AGO2: variants seen among roughly 807,000 people sequenced by gnomAD.
The protein encoded by AGO2 is protein argonaute-2.
In AGO2, 5 loss-of-function variants were observed where a neutral mutation model predicts 102.3. That is an observed-to-expected ratio of 0.05 (90% CI 0.03 to 0.10). The LOEUF (loss-of-function observed/expected upper bound fraction) is 0.10, where lower values mean the gene tolerates loss of function less well. AGO2 is among the 10% of genes least tolerant of loss of function. The pLI, the probability that AGO2 is intolerant of heterozygous loss-of-function variation, is 1.00. For synonymous variants in AGO2, 449 were observed against 473.1 expected (o/e 0.95, Z 0.66); for missense variants, 541 against 1,183.7 (o/e 0.46, Z 7.97).
At position 140,551,327 on chromosome 8, in the gene AGO2, C is replaced by T; in HGVS notation, c.1379G>A (p.Arg460His). ...VWAIACFAPQ[R>H]QCTEVHLKSF... ...CTTCAGATGGACTTCCGTGCACTGG[C>T]GCTGGGGGGCGAAGCACGCAATGGC... is the stretch of plus-strand genomic sequence containing the variant. The change falls in exon 11 of 19, where the codon CGC becomes CAC. Residue 460 changes from arginine to histidine, a missense_variant. Physicochemically the swap from Arg to His is conservative, Grantham distance 29. Coordinates refer to ENST00000220592, the MANE Select transcript of AGO2 (RefSeq NM_012154.5). 6.3e-7 allele frequency: 1 copy of T among 1,576,204 alleles called. No homozygotes were observed. Among genetic ancestry groups the T allele is most frequent in the Non-Finnish European group, 8.6e-7 (1 of 1,156,660 alleles).
intron 16 of AGO2, among the ~76,000 whole-genome samples, chr8:140,537,691 C>A (rs1480446167): frequency 6.6e-6 from 1 of 152,050 alleles, no homozygotes; most frequent in East Asian, 1.9e-4. Context: ...GCGTGTTCAT[C>A]AATTTCTCCT....
In AGO2 at chr8:140,540,926, G is replaced by A. The variant is rs1445487936; in HGVS notation, c.2034+238C>T. ...TCTCTCCCCCATCTCTTGGTCCCCA[G>A]GCCCATACCCGCCCCTCCTCCCCTC... On this transcript the variant is annotated intron_variant, in intron 15 of 18. Coordinates refer to ENST00000220592, the MANE Select transcript of AGO2 (RefSeq NM_012154.5). The surrounding 1 kb of genome is among the most constrained non-coding windows in gnomAD (Gnocchi z 5.0). Among the ~76,000 whole-genome samples, 1 of 152,016 alleles carries A rather than the reference G, an allele frequency of 6.6e-6. No homozygotes were observed. Among genetic ancestry groups the A allele is most frequent in the Non-Finnish European group, 1.5e-5 (1 of 68,006 alleles).
rs147790222 is a variant in AGO2, at chr8:140,547,548, C to T, written c.1668G>A (p.Thr556=). ...GGCAGAGGTTGGACAGGGTCTGTGGCGTGGTCCTCTGCACGTTCTTCATCT... is the reference window on the plus strand; with the variant it reads ...GGCAGAGGTTGGACAGGGTCTGTGGTGTGGTCCTCTGCACGTTCTTCATCT... ...CVQMKNVQRT[T]PQTLSNLCLK... The change falls in exon 13 of 19, where the codon ACG becomes ACA. Residue 556 remains threonine (T), a synonymous_variant. Transcript: ENST00000220592. The T allele has an allele frequency of 7.7e-5, 124 of 1,614,090 alleles. No homozygotes were observed. Among genetic ancestry groups the T allele is most frequent in the Non-Finnish European group, 1.0e-4 (119 of 1,180,028 alleles).
chr8:140,557,313 CT>C lies in AGO2; in HGVS notation c.879-78del. On this transcript the variant is annotated intron_variant, in intron 7 of 18. Transcript: ENST00000220592. This position sits in a 1 kb window ranked among gnomAD's most constrained non-coding sequence, Gnocchi z 5.9. ...CTGCGCTGCTTTTCATTTGCGTTTG[CT>C]TTTTAGGGTGACGTGTGAGGAGCAA... 6.6e-7 allele frequency: 1 copy of C among 1,510,672 alleles called. No homozygotes were observed. Among genetic ancestry groups the C allele is most frequent in the Non-Finnish European group, 8.9e-7 (1 of 1,127,452 alleles). The allele number at this position is 1,510,672 out of a possible 1,614,324, so 93.6% of individuals were successfully genotyped here. A position where few individuals can be genotyped will look rare whatever the true frequency, so the allele number is the denominator to read the frequency against.
chr8:140,580,807 G>A (rs944133407), intron 2 of AGO2, among the ~76,000 whole-genome samples: 1 of 152,220 alleles, frequency 6.6e-6, no homozygotes, highest in South Asian at 2.1e-4. Context: ...GGGCCTAAAG[G>A]TTCCTCCGTC....
intron 10 of AGO2, among the ~76,000 whole-genome samples, chr8:140,554,914 G>A (rs1364378429): frequency 9.9e-5 from 15 of 152,130 alleles, no homozygotes; most frequent in Admixed American, 6.5e-5. Context: ...GACCTCAAGC[G>A]ATCCACCCGT....
intron 16 of AGO2, among the ~76,000 whole-genome samples, chr8:140,538,019 CA>C (rs1198774106): frequency 1.3e-5 from 2 of 151,844 alleles, no homozygotes; most frequent in African/African-American, 2.4e-5. Flanking sequence ...GGGGTTTCGC[CA>C]TGTTGGCCAG....
chr8:140,575,059 G>A (rs893431731), intron 2 of AGO2, among the ~76,000 whole-genome samples: 1 of 152,162 alleles, frequency 6.6e-6, no homozygotes, highest in African/African-American at 2.4e-5. Context: ...GGTCTGGGGA[G>A]TGCCCGTGGC....
intron 1 of AGO2, among the ~76,000 whole-genome samples, chr8:140,588,519 G>A (rs573715649): frequency 3.5e-5 from 5 of 143,432 alleles, no homozygotes; most frequent in South Asian, 2.2e-4. Flanking sequence ...GAAGAATGGC[G>A]CCAAAAGAGT....
the AGO2 span, among the ~76,000 whole-genome samples, chr8:140,641,729 G>A: frequency 1.8e-4 from 27 of 152,296 alleles, no homozygotes; most frequent in East Asian, 2.7e-3. Context: ...GATTGCAGGC[G>A]TGCACAACCA....
At position 140,525,670 on chromosome 8, in the gene AGO2, G is replaced by C. The variant is rs1040530656; in HGVS notation, c.*6374C>G. 2 of 152,282 alleles carry C rather than the reference G, an allele frequency of 1.3e-5. No individual in the cohort carries two copies. The highest frequency in any genetic ancestry group is 3.9e-4 in the East Asian group (2 of 5,186). The allele number at this position is 152,282 out of a possible 1,614,324, so 9.4% of individuals were successfully genotyped here. On this transcript the variant is annotated 3_prime_UTR_variant, in exon 19 of 19. Coordinates refer to ENST00000220592, the MANE Select transcript of AGO2 (RefSeq NM_012154.5). ...TCTGATGAGCAGCCAACATGAGAAC[G>C]GGGCCACCTCCAAACACCCAGACAC...
At chr8:140,577,280 G>C (rs1156996104) in intron 2 of AGO2, among the ~76,000 whole-genome samples, 1 of 149,702 alleles carries the variant, frequency 6.7e-6, no homozygotes. Flanking sequence ...GGTATACAAT[G>C]ATAATGATTC....
chr8:140,584,940 A>T (rs2073628546), intron 2 of AGO2, among the ~76,000 whole-genome samples, 179 bp downstream of exon 2: 2 of 152,108 alleles, frequency 1.3e-5, no homozygotes, highest in Non-Finnish European at 1.5e-5. Flanking sequence ...ATTTATATAT[A>T]TATTTTTTTC....
rs149304683 is a variant in AGO2 at position 140,535,019 on chromosome 8, G to A, written c.2271+449C>T. On this transcript the variant is annotated intron_variant, in intron 17 of 18. Coordinates refer to ENST00000220592, the MANE Select transcript of AGO2 (RefSeq NM_012154.5). ...AGTCCTTGGCTGGAGCCTGGCCCTG[G>A]CCAGTGATTGCGCGAGGGGACGGCA... is the stretch of plus-strand genomic sequence containing the variant. Among the ~76,000 whole-genome samples the A allele has an allele frequency of 5.3e-4, 80 of 152,332 alleles. 1 individual carries two copies. In the East Asian group the frequency reaches 0.014, roughly 28 times the overall value.
chr8:140,620,044 A>T (rs891825647), intron 1 of AGO2, among the ~76,000 whole-genome samples: 3 of 152,182 alleles, frequency 2.0e-5, no homozygotes, highest in Admixed American at 2.0e-4. Flanking sequence ...GAAAAATACA[A>T]GGATCCCAGA....
At chr8:140,607,334 G>A (rs1472152641) in intron 1 of AGO2, among the ~76,000 whole-genome samples, 1 of 151,678 alleles carries the variant, frequency 6.6e-6, no homozygotes, top group Non-Finnish European at 1.5e-5. Flanking sequence ...GCTGAGGCAG[G>A]AGGACTGCCT....
intron 2 of AGO2, among the ~76,000 whole-genome samples, chr8:140,583,926 G>A (rs1257153490): frequency 2.0e-5 from 3 of 151,988 alleles, no homozygotes; most frequent in South Asian, 2.1e-4. Context: ...GCTCTACTAC[G>A]TTACGTGGGC....
At chr8:140,535,810 T>C (rs964869872) in intron 16 of AGO2, among the ~76,000 whole-genome samples, 5 of 152,238 alleles carry the variant, frequency 3.3e-5, no homozygotes, top group Admixed American at 3.3e-4. Flanking sequence ...TGAAGGCCCA[T>C]GAGTTAAATG....
chr8:140,540,169 G>A lies in AGO2; in HGVS notation c.2035-715C>T, dbSNP rs1037074093. ...CAGGCTCCAGCCAGAAGTGCTGGCC[G>A]GTCAAGGTGTATCCATTCTGTCCTC... On this transcript the variant is annotated intron_variant, in intron 15 of 18. Transcript: ENST00000220592. The surrounding 1 kb of genome is among the most constrained non-coding windows in gnomAD (Gnocchi z 5.0). Among the ~76,000 whole-genome samples the A allele has an allele frequency of 3.9e-5, 6 of 152,262 alleles. No homozygotes were observed. Among genetic ancestry groups the A allele is most frequent in the East Asian group, 1.9e-4 (1 of 5,174 alleles).
Sources: gnomAD v4.1 joint callset for allele counts (sites outside exome capture counted in the v4.1 genomes callset) on GRCh38, gnomAD v4.1.1 for gene constraint, Gnocchi (gnomAD v3.1) non-coding constraint, MANE v1.5 for transcripts, NCBI Gene and HGNC (gene_info 2026-07-23, HGNC 2026-07-21) for gene names.